Variants in ZNF385D observed in about 807,000 individuals in gnomAD.
ZNF385D encodes the protein zinc finger protein 385D.
Under a neutral mutation model 35.8 loss-of-function variants are expected in ZNF385D, and 15 were observed. That is an observed-to-expected ratio of 0.42 (90% CI 0.28 to 0.64). The LOEUF is 0.64. Ranked by LOEUF, ZNF385D falls within the 30% of genes least tolerant of loss-of-function variation. The pLI, the probability that ZNF385D is intolerant of heterozygous loss-of-function variation, is 0.23. For missense variants in ZNF385D, 474 were observed against 494.6 expected, an observed-to-expected ratio of 0.96 and a Z score of 0.39; for synonymous variants, 212 against 186.8, an observed-to-expected ratio of 1.13 and a Z score of -1.10.
At chr3:22,313,003 A>G (rs199568165) in intron 2 of ZNF385D, among the ~76,000 whole-genome samples, 1 of 151,110 alleles carries the variant, frequency 6.6e-6, no homozygotes, top group Admixed American at 6.6e-5. Context: ...GAACCAACCC[A>G]AATGTCCAAC....
chr3:21,989,126 C>G (rs550597679), intron 3 of ZNF385D, among the ~76,000 whole-genome samples: 9 of 152,144 alleles, frequency 5.9e-5, no homozygotes, highest in African/African-American at 1.9e-4. Flanking sequence ...GCGTCGCTCA[C>G]GCTGGGAGCT....
chr3:21,747,378 A>G (rs565709638), intron 1 of ZNF385D, among the ~76,000 whole-genome samples: 34 of 152,166 alleles, frequency 2.2e-4, no homozygotes, highest in Non-Finnish European at 4.3e-4. Context: ...CTTCTTGGCT[A>G]TAAGCTTACC....
At chr3:22,058,771 T>G (rs1699544399) in intron 3 of ZNF385D, among the ~76,000 whole-genome samples, 1 of 152,220 alleles carries the variant, frequency 6.6e-6, no homozygotes, top group African/African-American at 2.4e-5. Flanking sequence ...TGGAAGCCAG[T>G]CTGAAATTTT....
chr3:22,307,506 ATAAG>A (rs1270538069), intron 2 of ZNF385D, among the ~76,000 whole-genome samples: 2 of 152,144 alleles, frequency 1.3e-5, no homozygotes, highest in African/African-American at 2.4e-5. Flanking sequence ...TGGAGAATAA[ATAAG>A]TACTTGTGTG....
At chr3:21,815,540 T>C (rs566541118) in intron 3 of ZNF385D, among the ~76,000 whole-genome samples, 2 of 152,282 alleles carry the variant, frequency 1.3e-5, no homozygotes, top group African/African-American at 2.4e-5. Flanking sequence ...CATCAGAGAA[T>C]ACTATAAACA....
chr3:22,041,362 C>A (rs1306160721), intron 3 of ZNF385D, among the ~76,000 whole-genome samples: 1 of 152,124 alleles, frequency 6.6e-6, no homozygotes, highest in Non-Finnish European at 1.5e-5. Flanking sequence ...CCTAGCTCCA[C>A]ACAACCACAG....
chr3:21,883,040 T>C (rs1406088526), intron 3 of ZNF385D, among the ~76,000 whole-genome samples: 4 of 152,118 alleles, frequency 2.6e-5, no homozygotes, highest in Admixed American at 2.6e-4. Context: ...GATGCTTATT[T>C]GGAGGTGACA....
At chr3:21,602,158 C>G (rs2064313125) in intron 2 of ZNF385D, among the ~76,000 whole-genome samples, 1 of 152,070 alleles carries the variant, frequency 6.6e-6, no homozygotes. Context: ...TATCAGCTCT[C>G]CTGGGACTTA....
At chr3:21,691,120 G>A (rs2067270501) in intron 1 of ZNF385D, among the ~76,000 whole-genome samples, 1 of 151,996 alleles carries the variant, frequency 6.6e-6, no homozygotes, top group Non-Finnish European at 1.5e-5. Context: ...ATTGTCAGGA[G>A]TACCCTCAAT....
intron 3 of ZNF385D, among the ~76,000 whole-genome samples, chr3:21,883,924 A>T: frequency 6.6e-6 from 1 of 152,152 alleles, no homozygotes; most frequent in South Asian, 2.1e-4. Flanking sequence ...GCAGGAAACC[A>T]TATCTACTAA....
At chr3:22,205,447 C>G (rs1697084367) in intron 2 of ZNF385D, among the ~76,000 whole-genome samples, 1 of 151,590 alleles carries the variant, frequency 6.6e-6, no homozygotes, top group East Asian at 1.9e-4. Flanking sequence ...ACAAAACTTG[C>G]TGGTAATAGT....
chr3:22,333,142 T>C (rs568089507), intron 2 of ZNF385D, among the ~76,000 whole-genome samples: 17 of 152,320 alleles, frequency 1.1e-4, no homozygotes, highest in African/African-American at 3.8e-4. Context: ...CATTTCATTC[T>C]GGCATCCTTG....
intron 3 of ZNF385D, among the ~76,000 whole-genome samples, chr3:21,964,412 TA>T (rs60635259): frequency 0.14 from 10,038 of 71,428 alleles, 629 homozygotes; most frequent in South Asian, 0.31. Context: ...GTCCTTTTTG[TA>T]AAAAAAAAAA....
chr3:22,152,009 C>A (rs1029243945), intron 3 of ZNF385D, among the ~76,000 whole-genome samples: 26 of 152,098 alleles, frequency 1.7e-4, no homozygotes, highest in African/African-American at 6.3e-4. Context: ...TCCTTCCACC[C>A]TCCACCTTCA....
intron 3 of ZNF385D, among the ~76,000 whole-genome samples, chr3:21,972,754 A>C (rs532581236): frequency 2.6e-5 from 4 of 152,078 alleles, no homozygotes; most frequent in Non-Finnish European, 4.4e-5. Context: ...ATTACAACTA[A>C]TACCACAGAA....
At chr3:21,624,234 G>A (rs1181105488) in intron 2 of ZNF385D, among the ~76,000 whole-genome samples, 2 of 152,034 alleles carry the variant, frequency 1.3e-5, no homozygotes, top group South Asian at 2.1e-4. Flanking sequence ...ATTACAGTTT[G>A]TTCTGCCCTT....
chr3:22,018,388 G>C (rs977968140), intron 3 of ZNF385D, among the ~76,000 whole-genome samples: 6 of 151,218 alleles, frequency 4.0e-5, no homozygotes, highest in African/African-American at 1.5e-4. Flanking sequence ...TATTTATCTT[G>C]CTTTACATCT....
At chr3:22,129,806 G>A (rs528966504) in intron 3 of ZNF385D, among the ~76,000 whole-genome samples, 36 of 152,216 alleles carry the variant, frequency 2.4e-4, no homozygotes, top group African/African-American at 8.4e-4. Flanking sequence ...AGGAGTCTGA[G>A]TGGTGCTTTA....
At chr3:21,770,287 C>G (rs932803542) in intron 3 of ZNF385D, among the ~76,000 whole-genome samples, 2 of 152,130 alleles carry the variant, frequency 1.3e-5, no homozygotes, top group Non-Finnish European at 2.9e-5. Context: ...AAACTACCAT[C>G]AGAGTGAACA....
Sources: gnomAD v4.1 joint callset for allele counts (sites outside exome capture counted in the v4.1 genomes callset) on GRCh38, gnomAD v4.1.1 for gene constraint, MANE v1.5 for transcripts, NCBI Gene and HGNC (gene_info 2026-07-23, HGNC 2026-07-21) for gene names.